The following UST variants were observed in gnomAD, a reference collection of about 807,000 sequenced individuals.
The protein encoded by UST is chondroitin sulfate 2-O-sulfotransferase.
Under a neutral mutation model 45.6 loss-of-function variants are expected in UST, and 21 were observed. That is an observed-to-expected ratio of 0.46 (90% CI 0.33 to 0.66). The LOEUF is 0.66. Among genes scored for constraint, UST ranks in the 30% least tolerant of loss-of-function variants. The probability of loss-of-function intolerance (pLI) is 0.02; values close to 1 mark genes in which losing one functional copy is unlikely to be tolerated. For missense variants in UST, 463 were observed against 512.4 expected, an observed-to-expected ratio of 0.90 and a Z score of 0.93; for synonymous variants, 215 against 200.6, an observed-to-expected ratio of 1.07 and a Z score of -0.61.
At chr6:148,904,554 C>T (rs1486977321) in intron 2 of UST, among the ~76,000 whole-genome samples, 1 of 152,194 alleles carries the variant, frequency 6.6e-6, no homozygotes, top group South Asian at 2.1e-4. Flanking sequence ...GAGACAGTCT[C>T]ACTCTGTCAC....
chr6:149,066,562 A>G (rs909663301), intron 7 of UST, among the ~76,000 whole-genome samples: 5 of 152,110 alleles, frequency 3.3e-5, no homozygotes, highest in Non-Finnish European at 5.9e-5. Context: ...TAGATCCCAT[A>G]AGAATCTGCC....
intron 7 of UST, among the ~76,000 whole-genome samples, chr6:149,033,561 A>G (rs1000367189): frequency 6.6e-6 from 1 of 152,216 alleles, no homozygotes; most frequent in Non-Finnish European, 1.5e-5. Flanking sequence ...TGTGGGTTCT[A>G]GTAAGCACGT....
At chr6:148,867,230 A>G (rs1311494803) in intron 1 of UST, among the ~76,000 whole-genome samples, 1 of 151,294 alleles carries the variant, frequency 6.6e-6, no homozygotes, top group Non-Finnish European at 1.5e-5. Context: ...CCCAGTTTGC[A>G]TTAATCAAAC....
Position 149,074,022 on chromosome 6 carries a change from A to G in UST, c.1127A>G (p.His376Arg), listed in dbSNP as rs1289347550. Residue 376 changes from histidine (H) to arginine (R), a missense_variant, in exon 8 of 8, where the codon CAC becomes CGC. Coordinates refer to ENST00000367463, the MANE Select transcript of UST (RefSeq NM_005715.3). ...GTCAGCAAGCCCCCCCTGAGGCCAC[A>G]CTTCTTTATCCCAACTCCACTGGAA... is the stretch of plus-strand genomic sequence containing the variant. The part of the protein sequence containing the change: ...SHVSKPPLRP[H>R]FFIPTPLETE... The G allele has an allele frequency of 5.6e-6, 9 of 1,614,184 alleles. No homozygotes were observed. The highest frequency in any genetic ancestry group is 1.1e-5 in the South Asian group (1 of 91,078).
chr6:149,017,799 T>TATATATATATACAC (rs956279478), intron 5 of UST, among the ~76,000 whole-genome samples: 15 of 148,810 alleles, frequency 1.0e-4, no homozygotes, highest in African/African-American at 3.7e-4. Context: ...TATCCATATA[T>TATATATATATACAC]ACACACACAC....
intron 1 of UST, among the ~76,000 whole-genome samples, chr6:148,774,415 ATCTT>A (rs1345418081): frequency 2.0e-5 from 3 of 151,976 alleles, no homozygotes; most frequent in African/African-American, 7.2e-5. Context: ...AATGTGTAAA[ATCTT>A]TATATTGTTT....
intron 1 of UST, among the ~76,000 whole-genome samples, chr6:148,783,953 G>A (rs1300908535): frequency 6.6e-6 from 1 of 152,062 alleles, no homozygotes; most frequent in Non-Finnish European, 1.5e-5. Context: ...CACACAACCC[G>A]GCCTAGAAAT....
At chr6:148,783,909 G>C (rs556669040) in intron 1 of UST, among the ~76,000 whole-genome samples, 3 of 152,254 alleles carry the variant, frequency 2.0e-5, no homozygotes, top group South Asian at 2.1e-4. Context: ...AGGTGAAGAT[G>C]ATGAGCTACA....
chr6:148,756,792 A>G (rs567084167), intron 1 of UST, among the ~76,000 whole-genome samples: 1 of 152,334 alleles, frequency 6.6e-6, no homozygotes, highest in East Asian at 1.9e-4. Context: ...GGTGCTCCAC[A>G]CAGGCCCTCA....
chr6:149,059,905 T>G (rs1335458768), intron 7 of UST, among the ~76,000 whole-genome samples: 1 of 152,004 alleles, frequency 6.6e-6, no homozygotes, highest in African/African-American at 2.4e-5. Context: ...GAAAATGCAT[T>G]CCTCCTCCGG....
chr6:148,849,826 G>T (rs1778070609), intron 1 of UST, among the ~76,000 whole-genome samples: 1 of 152,178 alleles, frequency 6.6e-6, no homozygotes, highest in South Asian at 2.1e-4. Flanking sequence ...TGAGATTTGG[G>T]TGGGGACACA....
chr6:148,828,906 C>T (rs1279971952), intron 1 of UST, among the ~76,000 whole-genome samples: 3 of 152,214 alleles, frequency 2.0e-5, no homozygotes, highest in Non-Finnish European at 4.4e-5. Context: ...CATTAGTGTT[C>T]CATTTGAATA....
intron 1 of UST, among the ~76,000 whole-genome samples, chr6:148,806,844 G>C (rs894713645): frequency 6.6e-6 from 1 of 152,106 alleles, no homozygotes; most frequent in East Asian, 1.9e-4. Flanking sequence ...GAGGGCCCAG[G>C]CTCATCCTTT....
At chr6:149,015,277 T>C (rs1775880261) in intron 5 of UST, among the ~76,000 whole-genome samples, 1 of 152,218 alleles carries the variant, frequency 6.6e-6, no homozygotes, top group Non-Finnish European at 1.5e-5. Context: ...GTTTTTAAAA[T>C]AGTACAGTTT....
chr6:148,939,280 ATC>A (rs1780079783), intron 2 of UST, among the ~76,000 whole-genome samples: 6 of 152,208 alleles, frequency 3.9e-5, no homozygotes, highest in Admixed American at 3.9e-4. Flanking sequence ...AATCAAATTT[ATC>A]TACAGATTCA....
intron 1 of UST, among the ~76,000 whole-genome samples, chr6:148,775,374 G>A (rs963631595): frequency 1.3e-5 from 2 of 152,102 alleles, no homozygotes; most frequent in Non-Finnish European, 2.9e-5. Context: ...GCGAGGTGGT[G>A]GTCTTTACCA....
intron 2 of UST, among the ~76,000 whole-genome samples, chr6:148,922,720 G>A (rs970614444): frequency 5.3e-5 from 8 of 151,370 alleles, no homozygotes; most frequent in Admixed American, 1.3e-4. Flanking sequence ...TGATCCGCCC[G>A]CCTCGGCCTC....
intron 7 of UST, among the ~76,000 whole-genome samples, chr6:149,072,394 C>A (rs1176833603): frequency 6.6e-6 from 1 of 152,190 alleles, no homozygotes; most frequent in Non-Finnish European, 1.5e-5. Flanking sequence ...TGGCTCACAC[C>A]TGTAATACCA....
intron 2 of UST, among the ~76,000 whole-genome samples, chr6:148,899,730 G>A (rs184817907): frequency 2.6e-4 from 40 of 152,350 alleles, no homozygotes; most frequent in Admixed American, 2.3e-3. Context: ...AGTGGTCCCC[G>A]ATGGCGCCCT....
Sources: allele counts gnomAD v4.1 joint callset (sites outside exome capture counted in the v4.1 genomes callset), GRCh38; gene constraint gnomAD v4.1.1; transcripts MANE v1.5; gene names NCBI Gene and HGNC (gene_info 2026-07-23, HGNC 2026-07-21).